Variants in PCDHA11 observed in about 807,000 individuals in gnomAD.
The protein encoded by PCDHA11 is protocadherin alpha-11.
Under a neutral mutation model 70.3 loss-of-function variants are expected in PCDHA11, and 61 were observed. The observed-to-expected ratio is 0.87, with a 90% CI of 0.71 to 1.07. The LOEUF is 1.07. Among genes scored for constraint, PCDHA11 ranks in the 50% least tolerant of loss-of-function variants. The pLI is 0.00. For synonymous variants in PCDHA11, 633 were observed against 555.1 expected (o/e 1.14, Z -1.97); for missense variants, 1,324 against 1,237.5 (o/e 1.07, Z -1.05).
intron 1 of PCDHA11, among the ~76,000 whole-genome samples, chr5:140,972,862 T>C (rs781936892): frequency 2.0e-5 from 3 of 151,966 alleles, no homozygotes; most frequent in Non-Finnish European, 4.4e-5. Context: ...TGGGGTTTCA[T>C]CATGTTGTCC....
rs1404110882 is a variant in PCDHA11 at position 140,968,973 on chromosome 5, C to A, written c.2392-9976C>A. On this transcript the variant is annotated intron_variant, in intron 1 of 3. Transcript: ENST00000398640. ...ATCATCAAGTGCTACCGCTACACTG[C>A]GTATGGCACTGCATGCTGTGGAGGC... is the stretch of plus-strand genomic sequence containing the variant. The A allele has an allele frequency of 6.2e-7, 1 of 1,614,194 alleles. No homozygotes were observed. The highest frequency in any genetic ancestry group is 1.3e-5 in the African/African-American group (1 of 75,044).
At chr5:141,003,913 T>C (rs1554259375) in intron 3 of PCDHA11, among the ~76,000 whole-genome samples, 1 of 152,206 alleles carries the variant, frequency 6.6e-6, no homozygotes, top group African/African-American at 2.4e-5. Flanking sequence ...GGGTCTTGAC[T>C]GCATCCTCAG....
chr5:141,010,291 G>A lies in PCDHA11; in HGVS notation c.*354G>A. ...GGATCCTGTCTTGATGACACTTGCA[G>A]GGCAGGCTGAAAAGTTTTGAGATTG... On this transcript the variant is annotated 3_prime_UTR_variant, in exon 4 of 4. Coordinates refer to ENST00000398640, the MANE Select transcript of PCDHA11 (RefSeq NM_018902.5). 1.3e-6 allele frequency: 2 copies of A among 1,549,990 alleles called. No individual in the cohort carries two copies. The highest frequency in any genetic ancestry group is 1.2e-5 in the South Asian group (1 of 83,762).
Position 140,877,431 on chromosome 5 carries a change from C to T in PCDHA11, c.2391+5937C>T, listed in dbSNP as rs782442127. 8.1e-6 allele frequency: 13 copies of T among 1,613,836 alleles called. No homozygotes were observed. The Admixed American group carries it at 2.2e-4, about 27-fold the overall frequency. On this transcript the variant is annotated intron_variant, in intron 1 of 3. Transcript: ENST00000398640. ...ACCGCCTGCTGGTGCTGGTGAAGGA[C>T]CACGGTGAGCCCGCGCTGACGTCCA...
At position 140,869,613 on chromosome 5, in the gene PCDHA11, CA is replaced by C. The variant is rs782134760; in HGVS notation, c.511del (p.Arg171GlyfsTer2). On this transcript the variant is annotated frameshift_variant, in exon 1 of 4. Coordinates refer to ENST00000398640, the MANE Select transcript of PCDHA11 (RefSeq NM_018902.5). LOFTEE classifies it high-confidence loss of function. ...TTGAAGAGAATGCTCTATTGACCTA[CA>C]GGCTAAGTAAAAATGAGTATTTTTC... is the stretch of plus-strand genomic sequence containing the variant. ...DIEENALLTY[R>X]LSKNEYFSLD... 1 of 1,613,944 alleles carries C rather than the reference CA, an allele frequency of 6.2e-7. No individual in the cohort carries two copies.
chr5:140,874,534 CA>C (rs782798422), intron 1 of PCDHA11, among the ~76,000 whole-genome samples: 5 of 152,202 alleles, frequency 3.3e-5, no homozygotes, highest in Non-Finnish European at 5.9e-5. Flanking sequence ...GATTAGGCTC[CA>C]AAACCCTTTA....
At chr5:140,990,792 T>C (rs1554251750) in intron 3 of PCDHA11, among the ~76,000 whole-genome samples, 2 of 152,176 alleles carry the variant, frequency 1.3e-5, no homozygotes, top group African/African-American at 4.8e-5. Flanking sequence ...CGATGAACCA[T>C]GGAATACAGA....
At chr5:140,943,267 AAAAAAAAAAAG>A in intron 1 of PCDHA11, among the ~76,000 whole-genome samples, 2 of 150,426 alleles carry the variant, frequency 1.3e-5, no homozygotes, top group South Asian at 2.1e-4. Context: ...CAAAAAAAAA[AAAAAAAAAAAG>A]AAAGAAAGAA....
intron 1 of PCDHA11, chr5:140,968,024 A>C: frequency 1.2e-6 from 2 of 1,614,178 alleles, no homozygotes; most frequent in Non-Finnish European, 1.7e-6. Flanking sequence ...AAACTCCTAT[A>C]CACTGGTGGT....
At position 140,870,827 on chromosome 5, in the gene PCDHA11, C is replaced by T. The variant is rs782048793; in HGVS notation, c.1724C>T (p.Ala575Val). Reference protein sequence around the residue: ...LATQAGSAGGAVNKLVPRSVG... With the variant: ...LATQAGSAGGVVNKLVPRSVG... ...ACTCAGGCTGGCAGCGCGGGAGGCG[C>T]AGTTAACAAGCTAGTACCGCGGTCG... The change falls in exon 1 of 4, where the codon GCA (alanine) becomes GTA (valine). Residue 575 changes from alanine (A) to valine (V), a missense_variant. Physicochemically the swap from Ala to Val is moderately conservative, Grantham distance 64. Transcript: ENST00000398640. The T allele has an allele frequency of 8.1e-6, 13 of 1,613,648 alleles. No homozygotes were observed. The highest frequency in any genetic ancestry group is 9.3e-6 in the Non-Finnish European group (11 of 1,179,902).
chr5:140,952,471 A>AAAGT (rs1205705150), intron 1 of PCDHA11, among the ~76,000 whole-genome samples: 2 of 152,204 alleles, frequency 1.3e-5, no homozygotes, highest in Non-Finnish European at 2.9e-5. Context: ...AAGCATAAGG[A>AAAGT]AAGTGACATT....
At chr5:140,960,715 CTTATTTTAGTCCA>C (rs60915889) in intron 1 of PCDHA11, among the ~76,000 whole-genome samples, 85,456 of 151,802 alleles carry the variant, frequency 0.56, 24,653 homozygotes, top group African/African-American at 0.69. Flanking sequence ...AAATACTCAT[CTTATTTTAGTCCA>C]TGATTTTAGT....
At chr5:140,929,112 C>T in intron 1 of PCDHA11, 6 of 1,614,130 alleles carry the variant, frequency 3.7e-6, no homozygotes, top group Non-Finnish European at 5.1e-6. Context: ...TGACATCAGC[C>T]ACCATAGATG....
intron 1 of PCDHA11, among the ~76,000 whole-genome samples, chr5:140,924,429 A>G (rs1331551212): frequency 6.6e-6 from 1 of 152,184 alleles, no homozygotes; most frequent in Non-Finnish European, 1.5e-5. Flanking sequence ...CTAGTTCCCT[A>G]GAAGAGATAA....
rs114173550 is a variant in PCDHA11, at chr5:140,996,928, G to T, written c.2540-12699G>T. Among the ~76,000 whole-genome samples the T allele has an allele frequency of 1.8e-3, 279 of 152,148 alleles. 1 individual carries two copies. Among genetic ancestry groups the T allele is most frequent in the Non-Finnish European group, 3.0e-3 (203 of 67,996 alleles). ...GTTGAAGTAAATATTAAAAAATATA[G>T]CATTTTTGCATAGAAATATTTATTT... On this transcript the variant is annotated intron_variant, in intron 3 of 3. Coordinates refer to ENST00000398640, the MANE Select transcript of PCDHA11 (RefSeq NM_018902.5).
At chr5:140,918,823 C>T (rs2078875594) in intron 1 of PCDHA11, among the ~76,000 whole-genome samples, 2 of 11,382 alleles carry the variant, frequency 1.8e-4, no homozygotes, top group African/African-American at 5.2e-3. Context: ...AAAAAGTGGC[C>T]CCCTCCCCAG....
At position 140,944,693 on chromosome 5, in the gene PCDHA11, G is replaced by A. The variant is rs191002677; in HGVS notation, c.2392-34256G>A. 1.7e-3 allele frequency among the ~76,000 whole-genome samples: 252 copies of A among 152,248 alleles called. No homozygotes were observed. In the Middle Eastern group the frequency reaches 0.017, roughly 10 times the overall value. On this transcript the variant is annotated intron_variant, in intron 1 of 3. Coordinates refer to ENST00000398640, the MANE Select transcript of PCDHA11 (RefSeq NM_018902.5). ...TATTCTGTGTATCCTATTAATAACA[G>A]TAATTATCAGGTTATTTTGCCTTTG...
chr5:140,984,982 G>A lies in PCDHA11; in HGVS notation c.2539+2419G>A, dbSNP rs544151858. On this transcript the variant is annotated intron_variant, in intron 3 of 3. Coordinates refer to ENST00000398640, the MANE Select transcript of PCDHA11 (RefSeq NM_018902.5). ...AGACAGAGTCTCGCTCTGTCCCCCA[G>A]GCTGGAGTCCAGTGGCACGATATCG... Among the ~76,000 whole-genome samples the A allele has an allele frequency of 1.1e-3, 174 of 152,116 alleles. 2 individuals are homozygous for A. In the South Asian group the frequency reaches 0.016, roughly 14 times the overall value.
chr5:140,886,217 T>C (rs548266069), intron 1 of PCDHA11, among the ~76,000 whole-genome samples: 3 of 152,240 alleles, frequency 2.0e-5, no homozygotes, highest in African/African-American at 7.2e-5. Flanking sequence ...TTTCTCTAAT[T>C]TTGTTACTTT....
Sources: gnomAD v4.1 joint callset for allele counts (sites outside exome capture counted in the v4.1 genomes callset) on GRCh38, gnomAD v4.1.1 for gene constraint, MANE v1.5 for transcripts, NCBI Gene and HGNC (gene_info 2026-07-23, HGNC 2026-07-21) for gene names.